MYO16: variants seen among roughly 807,000 people sequenced by gnomAD.
MYO16 encodes the protein unconventional myosin-XVI.
Under a neutral mutation model 205.3 loss-of-function variants are expected in MYO16, and 94 were observed. The ratio of observed to expected loss-of-function variants is 0.46; its 90% CI spans 0.39 to 0.54. The LOEUF (loss-of-function observed/expected upper bound fraction) is 0.54, where lower values mean the gene tolerates loss of function less well. MYO16 is among the 20% of genes least tolerant of loss of function. MYO16 has a pLI of 0.00. For synonymous variants in MYO16, 988 were observed against 954.0 expected (o/e 1.04, Z -0.66); for missense variants, 2,315 against 2,387.5 (o/e 0.97, Z 0.63).
the MYO16 span, among the ~76,000 whole-genome samples, chr13:108,555,449 A>G: frequency 1.3e-5 from 2 of 152,250 alleles, no homozygotes; most frequent in African/African-American, 2.4e-5. Context: ...ACAGGTATTT[A>G]TAGAAAAGAT....
chr13:109,159,662 C>T (rs1878271590), intron 32 of MYO16, among the ~76,000 whole-genome samples: 1 of 152,178 alleles, frequency 6.6e-6, no homozygotes, highest in Admixed American at 6.5e-5. Flanking sequence ...GTGTAGAAAA[C>T]TAAAGCAAGG....
intron 1 of MYO16, among the ~76,000 whole-genome samples, chr13:108,650,229 A>G (rs1279864188): frequency 6.6e-6 from 1 of 152,218 alleles, no homozygotes; most frequent in African/African-American, 2.4e-5. Flanking sequence ...ACACATACAT[A>G]CATACTTTTA....
intron 1 of MYO16, among the ~76,000 whole-genome samples, chr13:108,632,073 C>T (rs1387229532): frequency 1.2e-5 from 1 of 84,820 alleles, no homozygotes. Context: ...AGCAAAACCC[C>T]AACTCAAAAA....
intron 4 of MYO16, among the ~76,000 whole-genome samples, chr13:108,732,953 C>T (rs537266010): frequency 6.6e-6 from 1 of 152,142 alleles, no homozygotes; most frequent in Admixed American, 6.5e-5. Context: ...GAAAAGTTGA[C>T]GTTGTAATTT....
intron 21 of MYO16, among the ~76,000 whole-genome samples, chr13:108,994,416 T>C (rs1884937311): frequency 6.6e-6 from 1 of 152,190 alleles, no homozygotes; most frequent in African/African-American, 2.4e-5. Flanking sequence ...AATAAAATTA[T>C]TTCCATTGTG....
intron 12 of MYO16, among the ~76,000 whole-genome samples, chr13:108,867,407 T>C (rs1421066193): frequency 6.6e-6 from 1 of 151,912 alleles, no homozygotes; most frequent in African/African-American, 2.4e-5. Flanking sequence ...AAAAAGTCAG[T>C]GCCATGGTTA....
chr13:109,065,474 T>G (rs1023270027), intron 27 of MYO16: 2 of 411,782 alleles, frequency 4.9e-6, no homozygotes, highest in Admixed American at 6.9e-5. Flanking sequence ...TAAAACCATT[T>G]ATTTTTTTCA....
At chr13:108,716,508 T>C (rs1883950621) in intron 3 of MYO16, among the ~76,000 whole-genome samples, 1 of 152,234 alleles carries the variant, frequency 6.6e-6, no homozygotes, top group South Asian at 2.1e-4. Flanking sequence ...CTCCTTTTCC[T>C]GGGGTTACCA....
At chr13:108,729,901 T>A (rs1021247948) in intron 4 of MYO16, among the ~76,000 whole-genome samples, 1 of 152,220 alleles carries the variant, frequency 6.6e-6, no homozygotes, top group Non-Finnish European at 1.5e-5. Context: ...ATACTCACAA[T>A]TAAATATTGC....
chr13:108,811,243 A>G (rs1887282082), intron 7 of MYO16, among the ~76,000 whole-genome samples: 1 of 152,176 alleles, frequency 6.6e-6, no homozygotes, highest in Non-Finnish European at 1.5e-5. Context: ...CCAAGTGTAT[A>G]AAAATTAAGC....
the MYO16 span, among the ~76,000 whole-genome samples, chr13:108,524,315 TAA>T: frequency 5.0e-3 from 4 of 802 alleles, no homozygotes; most frequent in African/African-American, 7.9e-3. Context: ...CAAAAAAAAA[TAA>T]ATAAATAAAT....
intron 1 of MYO16, among the ~76,000 whole-genome samples, chr13:108,658,226 T>G (rs1020695348): frequency 6.6e-6 from 1 of 152,198 alleles, no homozygotes; most frequent in Admixed American, 6.5e-5. Context: ...TCTATAGATT[T>G]TTAAAAACTG....
chr13:108,527,364 T>G, the MYO16 span, among the ~76,000 whole-genome samples: 1 of 152,096 alleles, frequency 6.6e-6, no homozygotes, highest in Non-Finnish European at 1.5e-5. Flanking sequence ...TTGCCAAAAT[T>G]TTTCTTGTTT....
At chr13:109,050,800 T>C (rs1887222949) in intron 24 of MYO16, among the ~76,000 whole-genome samples, 1 of 152,110 alleles carries the variant, frequency 6.6e-6, no homozygotes, top group Non-Finnish European at 1.5e-5. Context: ...TAAAATTGTT[T>C]GAGACTTGAC....
At chr13:109,033,131 G>A (rs1052509630) in intron 23 of MYO16, among the ~76,000 whole-genome samples, 10 of 152,112 alleles carry the variant, frequency 6.6e-5, no homozygotes, top group African/African-American at 2.4e-4. Context: ...AGAGGCATTG[G>A]TGTGTGCACT....
chr13:108,790,831 T>C (rs187076825), intron 5 of MYO16, among the ~76,000 whole-genome samples: 1 of 152,380 alleles, frequency 6.6e-6, no homozygotes, highest in African/African-American at 2.4e-5. Context: ...TATATTTTCT[T>C]AATAAAATGA....
chr13:109,191,359 A>G (rs1472924113), intron 34 of MYO16, among the ~76,000 whole-genome samples: 1 of 152,206 alleles, frequency 6.6e-6, no homozygotes, highest in Admixed American at 6.5e-5. Context: ...CATAGAAGTT[A>G]AATTCTAGCA....
chr13:108,611,361 A>C (rs1879166558), intron 1 of MYO16, among the ~76,000 whole-genome samples: 1 of 152,110 alleles, frequency 6.6e-6, no homozygotes, highest in Admixed American at 6.6e-5. Flanking sequence ...AGTCACACTG[A>C]AACAAATGAA....
At chr13:108,699,108 ATATG>A (rs1883201002) in intron 2 of MYO16, among the ~76,000 whole-genome samples, 1 of 146,384 alleles carries the variant, frequency 6.8e-6, no homozygotes, top group African/African-American at 2.5e-5. Context: ...ATATATATAT[ATATG>A]TGTGTGTGTA....
Sources: allele counts gnomAD v4.1 joint callset (sites outside exome capture counted in the v4.1 genomes callset), GRCh38; gene constraint gnomAD v4.1.1; transcripts MANE v1.5; gene names NCBI Gene and HGNC (gene_info 2026-07-23, HGNC 2026-07-21).